The following MPPED2 variants were observed in gnomAD, a reference collection of about 807,000 sequenced individuals.
The protein encoded by MPPED2 is metallophosphoesterase MPPED2.
MPPED2 carries 5 observed loss-of-function variants against 33.0 expected under a neutral mutation model. The ratio of observed to expected loss-of-function variants is 0.15; its 90% CI spans 0.08 to 0.32. MPPED2 has a LOEUF of 0.32. Ranked by LOEUF, MPPED2 falls within the 10% of genes least tolerant of loss-of-function variation. MPPED2 has a pLI of 1.00. For synonymous variants in MPPED2, 136 were observed against 141.9 expected (o/e 0.96, Z 0.29); for missense variants, 275 against 372.1 (o/e 0.74, Z 2.15).
At chr11:30,499,840 T>C (rs1952474905) in intron 3 of MPPED2, among the ~76,000 whole-genome samples, 1 of 152,138 alleles carries the variant, frequency 6.6e-6, no homozygotes, top group Non-Finnish European at 1.5e-5. Flanking sequence ...ACTGAGGTTA[T>C]TATTTGTTTG....
intron 4 of MPPED2, among the ~76,000 whole-genome samples, chr11:30,417,940 A>G (rs1948448499): frequency 6.6e-6 from 1 of 152,126 alleles, no homozygotes; most frequent in Non-Finnish European, 1.5e-5. Flanking sequence ...GTGCTTCCTA[A>G]GATACCCAGC....
intron 4 of MPPED2, among the ~76,000 whole-genome samples, chr11:30,430,042 C>G (rs1404465576): frequency 6.6e-6 from 1 of 152,030 alleles, no homozygotes; most frequent in Non-Finnish European, 1.5e-5. Context: ...CAGTGCCTGA[C>G]ACAAAATAGA....
chr11:30,524,282 TA>T (rs1192778009), intron 3 of MPPED2, among the ~76,000 whole-genome samples: 1 of 151,224 alleles, frequency 6.6e-6, no homozygotes, highest in Non-Finnish European at 1.5e-5. Context: ...AAAATAAAAA[TA>T]AGAGAGAGAA....
chr11:30,463,970 G>A (rs889875728), intron 4 of MPPED2, among the ~76,000 whole-genome samples: 2 of 151,340 alleles, frequency 1.3e-5, no homozygotes, highest in Non-Finnish European at 2.9e-5. Context: ...ATTTACCCAC[G>A]CAATACCTAA....
At position 30,411,360 on chromosome 11, in the gene MPPED2, CA is replaced by C. The variant is rs1243774372; in HGVS notation, c.*107del. 5.7e-6 allele frequency: 8 copies of C among 1,399,360 alleles called. No individual in the cohort carries two copies. The highest frequency in any genetic ancestry group is 6.6e-6 in the Non-Finnish European group (7 of 1,065,132). 86.7% of individuals were successfully genotyped at this position (1,399,360 alleles called of 1,614,324 possible). On this transcript the variant is annotated 3_prime_UTR_variant, in exon 7 of 7. Coordinates refer to ENST00000358117, the MANE Select transcript of MPPED2 (RefSeq NM_001584.3). ...GCATCATTTGTGTTCCAACAATTTA[CA>C]AAAAGAACTCACAGGGTTTGTAAAT...
downstream of MPPED2, among the ~76,000 whole-genome samples, chr11:30,408,553 G>A (rs493214): frequency 0.35 from 53,389 of 151,838 alleles, 9,656 homozygotes; most frequent in Non-Finnish European, 0.38. Flanking sequence ...CTTGTGATCC[G>A]CCCGCCTCAG....
intron 3 of MPPED2, among the ~76,000 whole-genome samples, chr11:30,535,443 C>T (rs1264733140): frequency 6.6e-6 from 1 of 152,160 alleles, no homozygotes; most frequent in African/African-American, 2.4e-5. Context: ...GGCAACTTCA[C>T]ATCCCAAGTT....
Position 30,495,361 on chromosome 11 carries a change from T to C in MPPED2, c.471A>G (p.Thr157=). 1 of 1,614,172 alleles carries C rather than the reference T, an allele frequency of 6.2e-7. No homozygotes were observed. Among genetic ancestry groups the C allele is most frequent in the Non-Finnish European group, 8.5e-7 (1 of 1,180,014 alleles). Residue 157 remains threonine, a synonymous_variant, in exon 4 of 7, where the codon ACA becomes ACG. Transcript: ENST00000358117. ...CCGAATCTTGTAAGTAAATACTGTT[T>C]GTCAGGAGGGACTGAACATTGTCAA... The part of the protein sequence containing the change: ...EDFDNVQSLL[T]NSIYLQDSEV...
chr11:30,489,910 A>ATTT (rs11411621), intron 4 of MPPED2, among the ~76,000 whole-genome samples: 92 of 149,178 alleles, frequency 6.2e-4, no homozygotes, highest in African/African-American at 1.9e-3. Context: ...TAGTATGTGG[A>ATTT]TTTTTTTTTT....
Position 30,495,317 on chromosome 11 carries a change from A to T in MPPED2, c.515T>A (p.Phe172Tyr). 1 of 1,613,466 alleles carries T rather than the reference A, an allele frequency of 6.2e-7. No homozygotes were observed. The highest frequency in any genetic ancestry group is 1.1e-5 in the South Asian group (1 of 91,078). The change falls in exon 4 of 7, where the codon TTC becomes TAC. Residue 172 changes from phenylalanine to tyrosine, a missense_variant. Phe to Tyr is a conservative substitution (Grantham distance 22, BLOSUM62 3). Transcript: ENST00000358117. Reference protein sequence around the residue: ...LQDSEVTVKGFRIYGAPWTPW... With the variant: ...LQDSEVTVKGYRIYGAPWTPW... ...TTACCAAGGTGCACCGTATATCCTG[A>T]ATCCCTTCACTGTTACCTCCGAATC...
intron 2 of MPPED2, among the ~76,000 whole-genome samples, chr11:30,550,426 C>G (rs1449242759): frequency 2.0e-5 from 3 of 152,120 alleles, no homozygotes; most frequent in African/African-American, 7.2e-5. Context: ...AGCCAAAGCC[C>G]GTCAGTACTC....
Position 30,415,223 on chromosome 11 carries a change from C to T in MPPED2, c.653-882G>A, listed in dbSNP as rs981974458. Reference sequence around the variant, plus strand: ...TTTCGGGCCAAACTGCAGACATGAACGTTTAGTGTCTCTGTAAAGACATAT... The same window carrying T: ...TTTCGGGCCAAACTGCAGACATGAATGTTTAGTGTCTCTGTAAAGACATAT... On this transcript the variant is annotated intron_variant, in intron 5 of 6. Transcript: ENST00000358117. 5.3e-5 allele frequency among the ~76,000 whole-genome samples: 8 copies of T among 152,108 alleles called. No individual in the cohort carries two copies. The East Asian group carries it at 5.8e-4, about 11-fold the overall frequency.
chr11:30,461,186 A>G (rs1175396919), intron 4 of MPPED2, among the ~76,000 whole-genome samples: 2 of 152,178 alleles, frequency 1.3e-5, no homozygotes, highest in African/African-American at 4.8e-5. Flanking sequence ...GACGGAAGGT[A>G]GAATGGTGGT....
chr11:30,411,800 A>AT lies in MPPED2; in HGVS notation c.767-215dup, dbSNP rs544297118. 1.1e-3 allele frequency among the ~76,000 whole-genome samples: 166 copies of AT among 151,734 alleles called. 4 individuals are homozygous for AT. Among genetic ancestry groups the AT allele is most frequent in the Non-Finnish European group, 1.1e-3 (77 of 67,870 alleles). On this transcript the variant is annotated intron_variant, in intron 6 of 6. Coordinates refer to ENST00000358117, the MANE Select transcript of MPPED2 (RefSeq NM_001584.3). ...GAATCTTCTCCTTCAACTAAGAGCA[A>AT]TTTTTTTTTCTTTATTTAAATGCTA...
At chr11:30,540,370 G>A (rs976049946) in intron 2 of MPPED2, among the ~76,000 whole-genome samples, 2 of 152,124 alleles carry the variant, frequency 1.3e-5, no homozygotes, top group Non-Finnish European at 2.9e-5. Flanking sequence ...CAAGCAAGGG[G>A]CTTAACCCTT....
chr11:30,444,450 ATTT>A (rs59838605), intron 4 of MPPED2, among the ~76,000 whole-genome samples: 4 of 139,438 alleles, frequency 2.9e-5, no homozygotes, highest in African/African-American at 1.0e-4. Flanking sequence ...ACATCATTCT[ATTT>A]TTTTTTTTTT....
chr11:30,586,833 C>G (rs1362631118), upstream of MPPED2: 1 of 152,180 alleles, frequency 6.6e-6, no homozygotes, highest in Non-Finnish European at 1.5e-5. The surrounding 1 kb of genome is among the most constrained non-coding windows in gnomAD (Gnocchi z 4.8). Context: ...TCGCTCAGAC[C>G]TAGGAAGGCG....
In MPPED2 at chr11:30,580,514, T is replaced by G. The variant is rs1030271979; in HGVS notation, c.-121-20A>C. The G allele has an allele frequency of 2.8e-5, 39 of 1,414,364 alleles. No homozygotes were observed. Among genetic ancestry groups the G allele is most frequent in the Non-Finnish European group, 3.3e-5 (36 of 1,080,194 alleles). The allele number at this position is 1,414,364 out of a possible 1,614,324, so 87.6% of individuals were successfully genotyped here. On this transcript the variant is annotated intron_variant, in intron 1 of 6. Coordinates refer to ENST00000358117, the MANE Select transcript of MPPED2 (RefSeq NM_001584.3). ...GCATTTCTGAAAGAAAAAAAAAATG[T>G]ATATAAAATGAGAACAAAGAGAAAA...
rs753014241 is a variant in MPPED2, at chr11:30,417,503, C to T, written c.652+15G>A. ...AGGCATCTGGATGACAAAGGACAAC[C>T]TTTGCTTCACTTACCTAGAGGAGGT... On this transcript the variant is annotated intron_variant, in intron 5 of 6. Coordinates refer to ENST00000358117, the MANE Select transcript of MPPED2 (RefSeq NM_001584.3). 1 of 1,501,766 alleles carries T rather than the reference C, an allele frequency of 6.7e-7. No individual in the cohort carries two copies. The highest frequency in any genetic ancestry group is 1.7e-5 in the Admixed American group (1 of 59,616). The allele number at this position is 1,501,766 out of a possible 1,614,324, so 93.0% of individuals were successfully genotyped here.
Sources: allele counts gnomAD v4.1 joint callset (sites outside exome capture counted in the v4.1 genomes callset), GRCh38; gene constraint gnomAD v4.1.1; non-coding constraint Gnocchi (gnomAD v3.1); transcripts MANE v1.5; gene names NCBI Gene and HGNC (gene_info 2026-07-23, HGNC 2026-07-21).